Variants in SDK1 observed in about 807,000 individuals in gnomAD.
SDK1 encodes protein sidekick-1.
A neutral mutation model predicts 245.5 loss-of-function variants in SDK1; 157 were observed. The observed-to-expected ratio is 0.64, with a 90% CI of 0.56 to 0.73. SDK1 has a LOEUF of 0.73. Ranked by LOEUF, SDK1 falls within the 30% of genes least tolerant of loss-of-function variation. SDK1 has a pLI of 0.00. For synonymous variants in SDK1, 1,647 were observed against 1,278.5 expected, an observed-to-expected ratio of 1.29 and a Z score of -6.15; for missense variants, 3,583 against 3,002.3, an observed-to-expected ratio of 1.19 and a Z score of -4.52.
In SDK1 at chr7:4,192,651, C is replaced by G. The variant is rs115658011; in HGVS notation, c.5099-13228C>G. 9.7e-3 allele frequency among the ~76,000 whole-genome samples: 1,483 copies of G among 152,218 alleles called. 25 individuals are homozygous for G. Among genetic ancestry groups the G allele is most frequent in the African/African-American group, 0.034 (1,402 of 41,536 alleles). ...TTGCACATTGAACAGATTATGGTATCGTAGAAGCATAGCTTTTATATGCAC... is the reference window on the plus strand; with the variant it reads ...TTGCACATTGAACAGATTATGGTATGGTAGAAGCATAGCTTTTATATGCAC... On this transcript the variant is annotated intron_variant, in intron 35 of 44. Coordinates refer to ENST00000404826, the MANE Select transcript of SDK1 (RefSeq NM_152744.4).
rs547423893 is a variant in SDK1, at chr7:4,005,956, A to G, written c.2132-5010A>G. 2.2e-5 allele frequency among the ~76,000 whole-genome samples: 3 copies of G among 137,586 alleles called. No homozygotes were observed. In the South Asian group the frequency reaches 6.6e-4, roughly 30 times the overall value. The allele number at this position is 137,586 out of a possible 152,430, so 90.3% of individuals were successfully genotyped here. ...ATGTATTGTGGGAGGTAGGGGTGGA[A>G]AAGAACATGACTAAGGCAGGAGGAT... On this transcript the variant is annotated intron_variant, in intron 14 of 44. Coordinates refer to ENST00000404826, the MANE Select transcript of SDK1 (RefSeq NM_152744.4).
chr7:3,508,620 G>A (rs892731815), intron 1 of SDK1, among the ~76,000 whole-genome samples: 14 of 152,152 alleles, frequency 9.2e-5, no homozygotes, highest in East Asian at 1.9e-4. Context: ...GAGCCACCCC[G>A]CCCAGCCTTA....
chr7:4,211,777 CTT>C (rs930432732), intron 38 of SDK1, among the ~76,000 whole-genome samples: 1 of 151,988 alleles, frequency 6.6e-6, no homozygotes, highest in Non-Finnish European at 1.5e-5. Flanking sequence ...GCCCAGCTAA[CTT>C]TTTGTATTTT....
chr7:3,770,731 C>T (rs1443678340), intron 4 of SDK1, among the ~76,000 whole-genome samples: 1 of 152,056 alleles, frequency 6.6e-6, no homozygotes, highest in African/African-American at 2.4e-5. Context: ...CAGTGGGCTG[C>T]CAGTTGGTTG....
At chr7:4,206,351 A>C (rs1254391608) in intron 36 of SDK1, among the ~76,000 whole-genome samples, 1 of 152,182 alleles carries the variant, frequency 6.6e-6, no homozygotes, top group East Asian at 1.9e-4. Flanking sequence ...TTGGCTGACT[A>C]TAAAAGAACA....
intron 38 of SDK1, 146 bp downstream of exon 38, chr7:4,210,308 A>G: frequency 1.1e-6 from 1 of 912,844 alleles, no homozygotes; most frequent in South Asian, 2.8e-5. Context: ...TCTGAGCTGG[A>G]CGGGGCTGGA....
intron 4 of SDK1, among the ~76,000 whole-genome samples, chr7:3,775,074 C>G (rs908409123): frequency 6.6e-6 from 1 of 152,124 alleles, no homozygotes. Context: ...TTGTGTTGTC[C>G]CACTCCTGTT....
Position 3,812,087 on chromosome 7 carries a change from A to G in SDK1, c.714-9363A>G, listed in dbSNP as rs569229951. ...CCAGTAAGATATCCCCTTGTGTTCAACAACCATATTTTCCAGTATGTCTTC... is the reference window on the plus strand; with the variant it reads ...CCAGTAAGATATCCCCTTGTGTTCAGCAACCATATTTTCCAGTATGTCTTC... On this transcript the variant is annotated intron_variant, in intron 4 of 44. Coordinates refer to ENST00000404826, the MANE Select transcript of SDK1 (RefSeq NM_152744.4). 2.0e-5 allele frequency among the ~76,000 whole-genome samples: 3 copies of G among 152,350 alleles called. No individual in the cohort carries two copies. In the South Asian group the frequency reaches 6.2e-4, roughly 32 times the overall value.
rs1012195189 is a variant in SDK1 at position 3,509,435 on chromosome 7, C to T, written c.299-109645C>T. ...GTTGTAAGACAGGGTAATGATAATA[C>T]ACACCTTCTTAGAGGTAATGTCTGT... On this transcript the variant is annotated intron_variant, in intron 1 of 44. Coordinates refer to ENST00000404826, the MANE Select transcript of SDK1 (RefSeq NM_152744.4). Among the ~76,000 whole-genome samples, 5 of 152,196 alleles carry T rather than the reference C, an allele frequency of 3.3e-5. No homozygotes were observed. In the South Asian group the frequency reaches 1.0e-3, roughly 31 times the overall value.
intron 17 of SDK1, among the ~76,000 whole-genome samples, chr7:4,048,799 T>C (rs1789219541): frequency 6.6e-6 from 1 of 152,234 alleles, no homozygotes; most frequent in African/African-American, 2.4e-5. Context: ...ATAGCTGTTC[T>C]GTAAAAGAGA....
At chr7:3,826,639 G>C (rs139250571) in intron 5 of SDK1, among the ~76,000 whole-genome samples, 172 of 152,258 alleles carry the variant, frequency 1.1e-3, no homozygotes, top group African/African-American at 3.3e-3. Flanking sequence ...TCCGGGCAAA[G>C]GTGAAACTGC....
At chr7:3,649,282 C>G (rs1199651942) in intron 4 of SDK1, among the ~76,000 whole-genome samples, 1 of 152,018 alleles carries the variant, frequency 6.6e-6, no homozygotes, top group Non-Finnish European at 1.5e-5. Context: ...TTAAAAAACA[C>G]CTTATAGAGT....
At chr7:3,966,134 G>T (rs925090563) in intron 9 of SDK1, among the ~76,000 whole-genome samples, 1 of 152,096 alleles carries the variant, frequency 6.6e-6, no homozygotes, top group Non-Finnish European at 1.5e-5. Flanking sequence ...GAAGTGTTGA[G>T]ACCTGTTAGG....
At chr7:3,617,705 C>T (rs967528333) in intron 1 of SDK1, among the ~76,000 whole-genome samples, 5 of 152,146 alleles carry the variant, frequency 3.3e-5, no homozygotes, top group Admixed American at 2.6e-4. Context: ...CCAACTTACC[C>T]TTTTTATTAG....
chr7:3,473,584 A>G (rs1781249500), intron 1 of SDK1, among the ~76,000 whole-genome samples: 1 of 152,150 alleles, frequency 6.6e-6, no homozygotes, highest in Non-Finnish European at 1.5e-5. Flanking sequence ...AATGACCTCC[A>G]AAAAGGCCTT....
At chr7:3,456,423 G>A (rs1055954176) in intron 1 of SDK1, among the ~76,000 whole-genome samples, 1 of 152,094 alleles carries the variant, frequency 6.6e-6, no homozygotes, top group Non-Finnish European at 1.5e-5. Flanking sequence ...TTTTCTCTCT[G>A]TTGTTGCTGG....
chr7:4,031,306 T>G (rs1787803589), intron 17 of SDK1, among the ~76,000 whole-genome samples: 1 of 152,186 alleles, frequency 6.6e-6, no homozygotes, highest in East Asian at 1.9e-4. Flanking sequence ...ATTATAATAT[T>G]TATAAATTGA....
chr7:3,684,521 C>T (rs1429329337), intron 4 of SDK1, among the ~76,000 whole-genome samples: 1 of 152,122 alleles, frequency 6.6e-6, no homozygotes, highest in African/African-American at 2.4e-5. Context: ...TGGGTAAGCC[C>T]ACTAAAAAGA....
intron 1 of SDK1, among the ~76,000 whole-genome samples, chr7:3,569,780 G>A (rs908823511): frequency 6.6e-6 from 1 of 152,140 alleles, no homozygotes; most frequent in African/African-American, 2.4e-5. Flanking sequence ...TGCTACTAAT[G>A]TGCTTGGCTT....
Sources: allele counts gnomAD v4.1 joint callset (sites outside exome capture counted in the v4.1 genomes callset), GRCh38; gene constraint gnomAD v4.1.1; transcripts MANE v1.5; gene names NCBI Gene and HGNC (gene_info 2026-07-23, HGNC 2026-07-21).